The following RFESD variants were observed in gnomAD, a reference collection of about 807,000 sequenced individuals.
The protein encoded by RFESD is Rieske domain-containing protein.
A neutral mutation model predicts 24.4 loss-of-function variants in RFESD; 16 were observed. That is an observed-to-expected ratio of 0.66 (90% confidence interval 0.44 to 1.00). The LOEUF is 1.00. Among genes scored for constraint, RFESD ranks in the 50% least tolerant of loss-of-function variants. The pLI is 0.00. For missense variants in RFESD, 208 were observed against 247.0 expected, an observed-to-expected ratio of 0.84 and a Z score of 1.06; for synonymous variants, 59 against 81.8, an observed-to-expected ratio of 0.72 and a Z score of 1.50.
rs1357996712 is a variant in RFESD at position 95,657,107 on chromosome 5, A to C, written c.*798A>C. On this transcript the variant is annotated 3_prime_UTR_variant, in exon 6 of 6. Coordinates refer to ENST00000380005, the MANE Select transcript of RFESD (RefSeq NM_001131066.2). ...GTGAGCCAATGTTCTTTGAATGCCT[A>C]TATGAAATTTTCAAATAAAGATTTT... 6.6e-6 allele frequency: 1 copy of C among 152,154 alleles called. No homozygotes were observed. Among genetic ancestry groups the C allele is most frequent in the African/African-American group, 2.4e-5 (1 of 41,454 alleles). 9.4% of individuals were successfully genotyped at this position (152,154 alleles called of 1,614,324 possible).
chr5:95,649,354 T>C (rs1471072808), intron 1 of RFESD, among the ~76,000 whole-genome samples: 2 of 152,226 alleles, frequency 1.3e-5, no homozygotes, highest in African/African-American at 4.8e-5. Context: ...TAGAGATACA[T>C]TTTTCACTGC....
At chr5:95,655,006 T>A (rs1332248061) in intron 5 of RFESD, among the ~76,000 whole-genome samples, 2 of 152,210 alleles carry the variant, frequency 1.3e-5, no homozygotes, top group African/African-American at 4.8e-5. Flanking sequence ...CTTCCTTGGA[T>A]TCCAAAACTA....
rs141135045 is a variant in RFESD, at chr5:95,656,077, C to T, written c.401C>T (p.Pro134Leu). 1.2e-6 allele frequency: 2 copies of T among 1,613,506 alleles called. No homozygotes were observed. Among genetic ancestry groups the T allele is most frequent in the Non-Finnish European group, 1.7e-6 (2 of 1,179,580 alleles). Residue 134 changes from proline to leucine, a missense_variant, in exon 6 of 6, where the codon CCC (proline) becomes CTC (leucine). Physicochemically the swap from Pro to Leu is moderately conservative, Grantham distance 98. Transcript: ENST00000380005. ...GATGGACGACCGTGTATAGTTTGCCCCTGGCATAAATACAAAATTACTTTG... is the reference window on the plus strand; with the variant it reads ...GATGGACGACCGTGTATAGTTTGCCTCTGGCATAAATACAAAATTACTTTG... ...DFDGRPCIVCPWHKYKITLAT... is the reference protein window; with the variant it reads ...DFDGRPCIVCLWHKYKITLAT...
At chr5:95,648,943 T>C (rs1177635658) in intron 1 of RFESD, among the ~76,000 whole-genome samples, 1 of 151,238 alleles carries the variant, frequency 6.6e-6, no homozygotes, top group Non-Finnish European at 1.5e-5. Context: ...TATTCATTTA[T>C]TTCCTCCTTT....
chr5:95,651,517 C>T (rs562710987), intron 1 of RFESD, among the ~76,000 whole-genome samples: 2 of 152,302 alleles, frequency 1.3e-5, no homozygotes, highest in Admixed American at 1.3e-4. Flanking sequence ...CCCTCAGCCT[C>T]CCAGGCAGCC....
chr5:95,650,976 T>C (rs1429764417), intron 1 of RFESD, among the ~76,000 whole-genome samples: 2 of 151,802 alleles, frequency 1.3e-5, no homozygotes, highest in African/African-American at 4.8e-5. Flanking sequence ...CGGGCGCCTG[T>C]AGTCCCAGCT....
intron 5 of RFESD, 116 bp downstream of exon 5, chr5:95,654,483 G>T (rs1398420036): frequency 1.4e-6 from 1 of 708,848 alleles, no homozygotes; most frequent in Non-Finnish European, 2.3e-6. Flanking sequence ...AGTATTCTGG[G>T]AATTCATAAG....
At chr5:95,654,978 C>T (rs1006577878) in intron 5 of RFESD, among the ~76,000 whole-genome samples, 7 of 151,948 alleles carry the variant, frequency 4.6e-5, no homozygotes, top group South Asian at 2.1e-4. Flanking sequence ...TGAGGAGGAA[C>T]GGGGGAAGTT....
rs1309725107 is a variant in RFESD, at chr5:95,657,580, A to C, written c.*1271A>C. On this transcript the variant is annotated 3_prime_UTR_variant, in exon 6 of 6. Transcript: ENST00000380005. ...TAATACTTAACATTCTAAGGAGCCG[A>C]CCTGGACTCTTTCTCTTGGTTATTA... 2 of 152,136 alleles carry C rather than the reference A, an allele frequency of 1.3e-5. No homozygotes were observed. Among genetic ancestry groups the C allele is most frequent in the African/African-American group, 2.4e-5 (1 of 41,430 alleles). 9.4% of individuals were successfully genotyped at this position (152,136 alleles called of 1,614,324 possible). A position where few individuals can be genotyped will look rare whatever the true frequency, so the allele number is the denominator to read the frequency against.
intron 1 of RFESD, among the ~76,000 whole-genome samples, chr5:95,649,008 C>T (rs953463507): frequency 6.7e-6 from 1 of 149,924 alleles, no homozygotes; most frequent in Non-Finnish European, 1.5e-5. Flanking sequence ...AATTCATGAC[C>T]TATGCACAGG....
At chr5:95,654,412 A>G (rs913167968) in intron 5 of RFESD, 45 bp downstream of exon 5, 4 of 1,221,176 alleles carry the variant, frequency 3.3e-6, no homozygotes, top group Admixed American at 2.0e-5. Flanking sequence ...GCAAATAAAT[A>G]TATTCAAAAA....
At position 95,657,896 on chromosome 5, in the gene RFESD, T is replaced by A. The variant is rs533339571; in HGVS notation, c.*1587T>A. ...GTCAGGTCTTAACACATGTCCAGAA[T>A]ATAAAGTGTACAGAAGAAATCAAAG... On this transcript the variant is annotated 3_prime_UTR_variant, in exon 6 of 6. Transcript: ENST00000380005. 33 of 152,094 alleles carry A rather than the reference T, an allele frequency of 2.2e-4. No individual in the cohort carries two copies. The highest frequency in any genetic ancestry group is 7.5e-4 in the African/African-American group (31 of 41,458). The allele number at this position is 152,094 out of a possible 1,614,324, so 9.4% of individuals were successfully genotyped here. A position where few individuals can be genotyped will look rare whatever the true frequency, so the allele number is the denominator to read the frequency against.
In RFESD at chr5:95,656,116, G is replaced by C. The variant is rs1444147465; in HGVS notation, c.440G>C (p.Gly147Ala). Reference sequence around the variant, plus strand: ...AAAATTACTTTGGCAACAGGAGAAGGTCTGTACCAGTCTATAAACCCTAAA... The same window carrying C: ...AAAATTACTTTGGCAACAGGAGAAGCTCTGTACCAGTCTATAAACCCTAAA... ...KYKITLATGE[G>A]LYQSINPKDP... Residue 147 changes from glycine to alanine, a missense_variant, in exon 6 of 6, where the codon GGT (glycine) becomes GCT (alanine). Physicochemically the swap from Gly to Ala is moderately conservative, Grantham distance 60. Coordinates refer to ENST00000380005, the MANE Select transcript of RFESD (RefSeq NM_001131066.2). 6.8e-6 allele frequency: 11 copies of C among 1,613,616 alleles called. No homozygotes were observed. Among genetic ancestry groups the C allele is most frequent in the African/African-American group, 1.3e-5 (1 of 74,914 alleles).
In RFESD at chr5:95,657,383, A is replaced by G. The variant is rs184365383; in HGVS notation, c.*1074A>G. 6.6e-6 allele frequency: 1 copy of G among 151,998 alleles called. No homozygotes were observed. The highest frequency in any genetic ancestry group is 6.6e-5 in the Admixed American group (1 of 15,260). The allele number at this position is 151,998 out of a possible 1,614,324, so 9.4% of individuals were successfully genotyped here. A position where few individuals can be genotyped will look rare whatever the true frequency, so the allele number is the denominator to read the frequency against. ...CCCACCATGCAAAAATCAGCAGCAC[A>G]TAGTGGTGATTTTTGCATGGTCAGT... On this transcript the variant is annotated 3_prime_UTR_variant, in exon 6 of 6. Transcript: ENST00000380005.
rs183119049 is a variant in RFESD at position 95,654,298 on chromosome 5, T to G, written c.335-35T>G. On this transcript the variant is annotated intron_variant, in intron 4 of 5. Transcript: ENST00000380005. ...ATGAAACTATCAAAATTTCAGTTTT[T>G]TAGTGACTGCAGGTAATATTCAATT... 9.5e-4 allele frequency: 1,536 copies of G among 1,610,102 alleles called. 18 individuals carry two copies. In the African/African-American group the frequency reaches 0.018, roughly 19 times the overall value.
rs1317372165 is a variant in RFESD, at chr5:95,656,846, A to G, written c.*537A>G. 1.3e-5 allele frequency: 2 copies of G among 152,632 alleles called. No homozygotes were observed. Among genetic ancestry groups the G allele is most frequent in the Non-Finnish European group, 2.9e-5 (2 of 68,474 alleles). The allele number at this position is 152,632 out of a possible 1,614,324, so 9.5% of individuals were successfully genotyped here. A position where few individuals can be genotyped will look rare whatever the true frequency, so the allele number is the denominator to read the frequency against. On this transcript the variant is annotated 3_prime_UTR_variant, in exon 6 of 6. Transcript: ENST00000380005. ...TCTCCTATTTGATTGTTATTTTTACATTTTTAGGAAAGTTTAAATACATTG... is the reference window on the plus strand; with the variant it reads ...TCTCCTATTTGATTGTTATTTTTACGTTTTTAGGAAAGTTTAAATACATTG...
At chr5:95,649,973 T>C (rs1750240606) in intron 1 of RFESD, among the ~76,000 whole-genome samples, 1 of 152,210 alleles carries the variant, frequency 6.6e-6, no homozygotes, top group African/African-American at 2.4e-5. Context: ...CAAAATGTGA[T>C]GAAGGCTGCA....
chr5:95,648,745 AAACCTTGCAAAAACTGT>A (rs1299507246), intron 1 of RFESD, among the ~76,000 whole-genome samples: 3 of 152,154 alleles, frequency 2.0e-5, no homozygotes, highest in Non-Finnish European at 4.4e-5. Flanking sequence ...GGTTGGAGGC[AAACCTTGCAAAAACTGT>A]AAGTTTGTAG....
Position 95,654,228 on chromosome 5 carries a change from G to A in RFESD, c.326G>A (p.Arg109His), listed in dbSNP as rs1165899008. 11 of 1,611,176 alleles carry A rather than the reference G, an allele frequency of 6.8e-6. No individual in the cohort carries two copies. The highest frequency in any genetic ancestry group is 5.5e-5 in the South Asian group (5 of 90,748). ...GGAGAATATCATGCTATGGATATTC[G>A]CTGTTACCGTAAGATTTTATTTTTC... is the stretch of plus-strand genomic sequence containing the variant. ...HKGEYHAMDIRCYHSGGPLHL... is the reference protein window; with the variant it reads ...HKGEYHAMDIHCYHSGGPLHL... The change falls in exon 4 of 6, where the codon CGC (arginine) becomes CAC (histidine). Residue 109 changes from arginine to histidine, a missense_variant. By Grantham distance (29) the Arg-to-His change is conservative. Coordinates refer to ENST00000380005, the MANE Select transcript of RFESD (RefSeq NM_001131066.2).
Sources: gnomAD v4.1 joint callset for allele counts (sites outside exome capture counted in the v4.1 genomes callset) on GRCh38, gnomAD v4.1.1 for gene constraint, MANE v1.5 for transcripts, NCBI Gene and HGNC (gene_info 2026-07-23, HGNC 2026-07-21) for gene names.